The following CHM variants were observed in gnomAD, a reference collection of about 807,000 sequenced individuals.
CHM encodes CHM Rab escort protein.
Under a neutral mutation model 49.0 loss-of-function variants are expected in CHM, and 10 were observed. The observed-to-expected ratio is 0.20, with a 90% CI of 0.13 to 0.35. The LOEUF (loss-of-function observed/expected upper bound fraction) is 0.35, where lower values mean the gene tolerates loss of function less well. CHM is among the 10% of genes least tolerant of loss of function. The pLI, the probability that CHM is intolerant of heterozygous loss-of-function variation, is 1.00. For synonymous variants in CHM, 184 were observed against 167.5 expected (o/e 1.10, Z -0.76); for missense variants, 455 against 478.4 (o/e 0.95, Z 0.46).
Position 85,888,629 on chromosome X carries a change from G to T in CHM, c.1510+5559C>A, listed in dbSNP as rs180916356. Among the ~76,000 whole-genome samples the T allele has an allele frequency of 8.4e-3, 939 of 111,386 alleles. 16 individuals carry two copies. The highest frequency in any genetic ancestry group is 0.081 in the East Asian group (284 of 3,495). Reference sequence around the variant, plus strand: ...AGAGCAAAATGGCAGAGTCCCCTGGGTTTTCTTTTTGTATCATATATCTCC... The same window carrying T: ...AGAGCAAAATGGCAGAGTCCCCTGGTTTTTCTTTTTGTATCATATATCTCC... On this transcript the variant is annotated intron_variant, in intron 12 of 14. Coordinates refer to ENST00000357749, the MANE Select transcript of CHM (RefSeq NM_000390.4).
chrX:85,902,519 C>T (rs745384584), intron 9 of CHM, among the ~76,000 whole-genome samples: 7 of 111,161 alleles, frequency 6.3e-5, no homozygotes, highest in African/African-American at 1.3e-4. Flanking sequence ...TGTAATATTA[C>T]GTTAATATTT....
Position 85,864,495 on chromosome X carries a change from T to C in CHM, c.*135A>G. On this transcript the variant is annotated 3_prime_UTR_variant, in exon 15 of 15. Transcript: ENST00000357749. Reference sequence around the variant, plus strand: ...AATGTCCTCTATAAGGAAAATCCCCTTTTGGATTTCTATTACCTATTTTGC... The same window carrying C: ...AATGTCCTCTATAAGGAAAATCCCCCTTTGGATTTCTATTACCTATTTTGC... The C allele has an allele frequency of 1.8e-6, 1 of 555,017 alleles. No individual in the cohort carries two copies. Among genetic ancestry groups the C allele is most frequent in the East Asian group, 3.6e-5 (1 of 27,655 alleles). The allele number at this position is 555,017 out of a possible 1,213,427, so 45.7% of individuals were successfully genotyped here.
In CHM at chrX:86,027,446, T is replaced by C. The variant is rs767560873; in HGVS notation, c.116+45A>G. 34 of 1,033,007 alleles carry C rather than the reference T, an allele frequency of 3.3e-5. No homozygotes were observed. In the South Asian group the frequency reaches 3.4e-4, roughly 10 times the overall value. 85.1% of individuals were successfully genotyped at this position (1,033,007 alleles called of 1,213,427 possible). On this transcript the variant is annotated intron_variant, in intron 2 of 14. Transcript: ENST00000357749. ...TGTTTATGTAAATTTTAATCCTGTATAGAGATATTTAGGAAATATTAAATG... is the reference window on the plus strand; with the variant it reads ...TGTTTATGTAAATTTTAATCCTGTACAGAGATATTTAGGAAATATTAAATG...
intron 8 of CHM, among the ~76,000 whole-genome samples, chrX:85,925,833 A>G (rs1928047378): frequency 1.8e-5 from 2 of 111,461 alleles, no homozygotes; most frequent in African/African-American, 6.5e-5. Flanking sequence ...GTTTTTCTGA[A>G]TGTAGAAACA....
Position 86,026,102 on chromosome X carries a change from C to CTTTTTTTTT in CHM, c.116+1380_116+1388dup, listed in dbSNP as rs1167691945. Among the ~76,000 whole-genome samples, 56 of 26,759 alleles carry CTTTTTTTTT rather than the reference C, an allele frequency of 2.1e-3. 15 individuals are homozygous for CTTTTTTTTT. The highest frequency in any genetic ancestry group is 2.9e-3 in the African/African-American group (26 of 8,857). The allele number at this position is 26,759 out of a possible 115,157, so 23.2% of individuals were successfully genotyped here. ...CTGGGCTTTCAAGGTAGCAGATTTTCTTTTTTTTTTTTTTTTTTTTTTTTT... is the reference window on the plus strand; with the variant it reads ...CTGGGCTTTCAAGGTAGCAGATTTTCTTTTTTTTTTTTTTTTTTTTTTTTTTTTTTTTTT... On this transcript the variant is annotated intron_variant, in intron 2 of 14. Coordinates refer to ENST00000357749, the MANE Select transcript of CHM (RefSeq NM_000390.4).
intron 2 of CHM, among the ~76,000 whole-genome samples, chrX:86,026,516 A>G (rs1221118928): frequency 9.0e-6 from 1 of 111,208 alleles, no homozygotes; most frequent in Middle Eastern, 4.7e-3. Flanking sequence ...CGTGCATACA[A>G]TAGTGAAATA....
chrX:85,958,760 T>A (rs1930135775), intron 6 of CHM, 101 bp downstream of exon 6: 1 of 1,158,460 alleles, frequency 8.6e-7, no homozygotes, highest in African/African-American at 1.8e-5. Flanking sequence ...TGGAATTTAC[T>A]GCTTTATGAG....
intron 8 of CHM, among the ~76,000 whole-genome samples, chrX:85,947,390 T>C (rs1929473970): frequency 9.0e-6 from 1 of 111,335 alleles, no homozygotes; most frequent in African/African-American, 3.3e-5. Context: ...AATGAGTGAG[T>C]TCTCATGAGT....
intron 2 of CHM, among the ~76,000 whole-genome samples, chrX:86,013,733 CAAAAA>C (rs61357908): frequency 1.3e-5 from 1 of 78,511 alleles, no homozygotes; most frequent in Non-Finnish European, 2.5e-5. Context: ...GACTTCGTCT[CAAAAA>C]AAAAAAAGAA....
chrX:86,041,704 A>G (rs200579538), intron 1 of CHM, among the ~76,000 whole-genome samples: 1 of 79,100 alleles, frequency 1.3e-5, no homozygotes, highest in Non-Finnish European at 2.3e-5. Flanking sequence ...ATATATATAT[A>G]TGTTATATAT....
chrX:85,864,762 A>C lies in CHM; in HGVS notation c.1830T>G (p.Asn610Lys). Residue 610 changes from asparagine to lysine, a missense_variant, in exon 15 of 15, where the codon AAT becomes AAG. Physicochemically the swap from Asn to Lys is moderately conservative, Grantham distance 94 (BLOSUM62 0). Coordinates refer to ENST00000357749, the MANE Select transcript of CHM (RefSeq NM_000390.4). ...CTCCATCAAGGATAATGTCTTCAGG[A>C]TTTGGTGGAGGGGGACAGAAATCTT... Reference protein sequence around the residue: ...PNEDFCPPPPNPEDIILDGDS... With the variant: ...PNEDFCPPPPKPEDIILDGDS... 1 of 1,209,098 alleles carries C rather than the reference A, an allele frequency of 8.3e-7. No homozygotes were observed. Among genetic ancestry groups the C allele is most frequent in the Non-Finnish European group, 1.1e-6 (1 of 893,938 alleles).
At chrX:85,973,758 A>G (rs1411536869) in intron 4 of CHM, among the ~76,000 whole-genome samples, 1 of 112,104 alleles carries the variant, frequency 8.9e-6, no homozygotes, top group Non-Finnish European at 1.9e-5. Flanking sequence ...TCAGGAAGTG[A>G]TGAGAACTTC....
At chrX:85,942,215 T>C (rs1428298991) in intron 8 of CHM, among the ~76,000 whole-genome samples, 4 of 109,382 alleles carry the variant, frequency 3.7e-5, no homozygotes, top group African/African-American at 9.9e-5. Flanking sequence ...GAGGTGCCTA[T>C]ATATCATAGT....
chrX:86,005,022 T>C (rs191973583), intron 2 of CHM, among the ~76,000 whole-genome samples: 2 of 112,069 alleles, frequency 1.8e-5, no homozygotes, highest in African/African-American at 3.2e-5. Context: ...AGTAAAGCAC[T>C]CCTCAGCAAA....
chrX:86,015,917 C>A lies in CHM; in HGVS notation c.116+11574G>T, dbSNP rs1287573112. Among the ~76,000 whole-genome samples the A allele has an allele frequency of 1.3e-4, 15 of 111,778 alleles. No individual in the cohort carries two copies. In the Admixed American group the frequency reaches 1.4e-3, roughly 11 times the overall value. On this transcript the variant is annotated intron_variant, in intron 2 of 14. Coordinates refer to ENST00000357749, the MANE Select transcript of CHM (RefSeq NM_000390.4). The stretch of plus-strand genomic sequence containing the variant: ...GGAGGCCAAGGCAGGTGGATCACCT[C>A]AGGTCAGGAGTTTGAGGCCAGCCTG...
At chrX:85,891,533 G>A (rs930611741) in intron 12 of CHM, among the ~76,000 whole-genome samples, 1 of 112,560 alleles carries the variant, frequency 8.9e-6, no homozygotes, top group Non-Finnish European at 1.9e-5. Context: ...AGCCTTGGCA[G>A]CTTCCATGTG....
intron 8 of CHM, among the ~76,000 whole-genome samples, chrX:85,953,736 T>C (rs1929868689): frequency 8.9e-6 from 1 of 111,899 alleles, no homozygotes; most frequent in Non-Finnish European, 1.9e-5. Flanking sequence ...AAAATGAAAC[T>C]AGACCCCTAT....
intron 9 of CHM, among the ~76,000 whole-genome samples, chrX:85,910,406 T>C (rs762021627): frequency 9.9e-5 from 11 of 111,506 alleles, no homozygotes; most frequent in Non-Finnish European, 1.7e-4. Flanking sequence ...AGTAGATTGT[T>C]GAGAACATGT....
intron 2 of CHM, among the ~76,000 whole-genome samples, chrX:85,986,632 C>T (rs990782157): frequency 1.8e-5 from 2 of 111,930 alleles, no homozygotes; most frequent in African/African-American, 6.5e-5. Context: ...TACGAAGCCT[C>T]GGTCCTGTGA....
Sources: gnomAD v4.1 joint callset for allele counts (sites outside exome capture counted in the v4.1 genomes callset) on GRCh38, gnomAD v4.1.1 for gene constraint, MANE v1.5 for transcripts, NCBI Gene and HGNC (gene_info 2026-07-23, HGNC 2026-07-21) for gene names.